Variants in JAZF1 observed in about 807,000 individuals in gnomAD.
The protein encoded by JAZF1 is JAZF zinc finger 1.
In JAZF1, 8 loss-of-function variants were observed where a neutral mutation model predicts 26.4. The ratio of observed to expected loss-of-function variants is 0.30; its 90% CI spans 0.18 to 0.55. The LOEUF is 0.55. JAZF1 is among the 20% of genes least tolerant of loss of function. JAZF1 has a pLI of 0.94. For missense variants in JAZF1, 199 were observed against 322.0 expected, an observed-to-expected ratio of 0.62 and a Z score of 2.92; for synonymous variants, 126 against 122.3, an observed-to-expected ratio of 1.03 and a Z score of -0.20.
At chr7:28,111,401 G>A (rs1013251077) in intron 1 of JAZF1, among the ~76,000 whole-genome samples, 11 of 151,922 alleles carry the variant, frequency 7.2e-5, no homozygotes, top group African/African-American at 2.4e-4. Flanking sequence ...TTATTTATGT[G>A]TTTGTTTATT....
chr7:28,100,697 G>GGA lies in JAZF1; in HGVS notation c.115+79765_115+79766insTC, dbSNP rs1251220516. On this transcript the variant is annotated intron_variant, in intron 1 of 4. Transcript: ENST00000283928. Reference sequence around the variant, plus strand: ...TAGACTCAAACTTAAAGAAGTATAAGAAAGGAAAAGAAAACAGAATCACAA... The same window carrying GGA: ...TAGACTCAAACTTAAAGAAGTATAAGGAAAAGGAAAAGAAAACAGAATCACAA... Among the ~76,000 whole-genome samples the GGA allele has an allele frequency of 1.4e-4, 22 of 152,246 alleles. No individual in the cohort carries two copies. The South Asian group carries it at 1.7e-3, about 11-fold the overall frequency.
chr7:27,921,805 T>C (rs1242226813), intron 2 of JAZF1, among the ~76,000 whole-genome samples: 3 of 152,146 alleles, frequency 2.0e-5, no homozygotes, highest in African/African-American at 7.2e-5. Flanking sequence ...TCCGAGGTGG[T>C]AGGACTGCTC....
chr7:28,036,077 T>C (rs943560513), intron 1 of JAZF1, among the ~76,000 whole-genome samples: 2 of 152,218 alleles, frequency 1.3e-5, no homozygotes, highest in African/African-American at 2.4e-5. Context: ...CCAAGGACCT[T>C]TGCAACTTTA....
intron 1 of JAZF1, among the ~76,000 whole-genome samples, chr7:28,066,465 T>C (rs945965924): frequency 5.3e-5 from 8 of 151,784 alleles, no homozygotes; most frequent in African/African-American, 1.9e-4. Flanking sequence ...TAGCCAGGTA[T>C]GGTGGCGCAT....
chr7:27,986,630 GCTCTCCCTCCCCCTCCCC>G (rs1419095522), intron 2 of JAZF1, among the ~76,000 whole-genome samples: 1 of 145,120 alleles, frequency 6.9e-6, no homozygotes, highest in Non-Finnish European at 1.5e-5. Context: ...GTTCATATGG[GCTCTCCCTCCCCCTCCCC>G]CTCTCCCTCC....
intron 1 of JAZF1, among the ~76,000 whole-genome samples, chr7:28,174,516 A>G (rs1583599390): frequency 6.6e-6 from 1 of 152,208 alleles, no homozygotes; most frequent in East Asian, 1.9e-4. Flanking sequence ...TCCGAAATAT[A>G]TGAACTCTAA....
chr7:28,119,491 T>C (rs1784803313), intron 1 of JAZF1, among the ~76,000 whole-genome samples: 1 of 152,192 alleles, frequency 6.6e-6, no homozygotes, highest in Non-Finnish European at 1.5e-5. Context: ...TCTATTCTTG[T>C]GATGTCTCCA....
intron 3 of JAZF1, among the ~76,000 whole-genome samples, chr7:27,887,788 G>A (rs917857911): frequency 9.9e-5 from 15 of 152,088 alleles, no homozygotes; most frequent in Admixed American, 4.6e-4. Flanking sequence ...TATAGCTGTG[G>A]AAAAACAAAT....
At chr7:27,999,990 C>A (rs1224433713) in intron 1 of JAZF1, among the ~76,000 whole-genome samples, 1 of 152,146 alleles carries the variant, frequency 6.6e-6, no homozygotes, top group Non-Finnish European at 1.5e-5. Context: ...TCTGGGCAGG[C>A]TTTACTGATG....
intron 1 of JAZF1, among the ~76,000 whole-genome samples, chr7:28,074,433 T>C (rs904236845): frequency 6.6e-6 from 1 of 152,064 alleles, no homozygotes; most frequent in African/African-American, 2.4e-5. Context: ...AAAGAAGATA[T>C]GGGAAACAAA....
At chr7:28,179,412 C>A (rs1378552869) in intron 1 of JAZF1, among the ~76,000 whole-genome samples, 1 of 152,110 alleles carries the variant, frequency 6.6e-6, no homozygotes, top group East Asian at 1.9e-4. Flanking sequence ...AGCCACCCTG[C>A]GGGGCGCCCC....
intron 2 of JAZF1, among the ~76,000 whole-genome samples, chr7:27,974,310 C>T (rs527986184): frequency 5.9e-5 from 9 of 152,078 alleles, no homozygotes; most frequent in African/African-American, 1.2e-4. Flanking sequence ...ATGCTAGGGA[C>T]GAAACTTAGG....
intron 2 of JAZF1, among the ~76,000 whole-genome samples, chr7:27,976,008 A>G (rs918015764): frequency 2.0e-5 from 3 of 152,192 alleles, no homozygotes; most frequent in African/African-American, 7.2e-5. Context: ...AAAATGTCAC[A>G]TAAGGGTTGT....
intron 1 of JAZF1, among the ~76,000 whole-genome samples, chr7:28,139,403 T>C (rs573851810): frequency 6.6e-6 from 1 of 152,324 alleles, no homozygotes; most frequent in South Asian, 2.1e-4. Flanking sequence ...GCAGATATAA[T>C]TAGTTAAGAT....
chr7:28,052,364 TA>T, intron 1 of JAZF1, among the ~76,000 whole-genome samples: 1 of 152,362 alleles, frequency 6.6e-6, no homozygotes, highest in Admixed American at 6.5e-5. Flanking sequence ...ACTTGCATTT[TA>T]TTTGAGTTTC....
At chr7:28,007,028 AC>A (rs1782714023) in intron 1 of JAZF1, among the ~76,000 whole-genome samples, 1 of 152,174 alleles carries the variant, frequency 6.6e-6, no homozygotes, top group South Asian at 2.1e-4. Flanking sequence ...CTTTCCAGGC[AC>A]CCCACCTTGC....
chr7:27,977,522 A>G (rs1005432497), intron 2 of JAZF1, among the ~76,000 whole-genome samples: 2 of 152,172 alleles, frequency 1.3e-5, no homozygotes, highest in African/African-American at 4.8e-5. Flanking sequence ...AATTGTTTCT[A>G]TACTGGCTGG....
chr7:28,052,321 C>G (rs1783629981), intron 1 of JAZF1, among the ~76,000 whole-genome samples: 2 of 152,158 alleles, frequency 1.3e-5, no homozygotes, highest in East Asian at 3.8e-4. Context: ...TGAATAGTGC[C>G]AAGGAAATTA....
intron 2 of JAZF1, among the ~76,000 whole-genome samples, chr7:27,976,160 T>G (rs796526092): frequency 6.6e-6 from 1 of 151,984 alleles, no homozygotes; most frequent in Non-Finnish European, 1.5e-5. Flanking sequence ...CTGGCTACCA[T>G]GGTGAAACCC....
Sources: allele counts gnomAD v4.1 joint callset (sites outside exome capture counted in the v4.1 genomes callset), GRCh38; gene constraint gnomAD v4.1.1; transcripts MANE v1.5; gene names NCBI Gene and HGNC (gene_info 2026-07-23, HGNC 2026-07-21).